The following USP45 variants were observed in gnomAD, a reference collection of about 807,000 sequenced individuals.
The protein encoded by USP45 is ubiquitin specific peptidase 45.
In USP45, 89 loss-of-function variants were observed where a neutral mutation model predicts 95.8. The observed-to-expected ratio is 0.93, with a 90% CI of 0.78 to 1.11. USP45 has a LOEUF of 1.11. Ranked by LOEUF, USP45 falls within the 50% of genes least tolerant of loss-of-function variation. The probability of loss-of-function intolerance (pLI) is 0.00; values close to 1 mark genes in which losing one functional copy is unlikely to be tolerated. For synonymous variants in USP45, 281 were observed against 316.2 expected (o/e 0.89, Z 1.18); for missense variants, 898 against 942.5 (o/e 0.95, Z 0.62).
chr6:99,508,479 T>G, intron 3 of USP45, 131 bp downstream of exon 3: 1 of 937,960 alleles, frequency 1.1e-6, no homozygotes, highest in Non-Finnish European at 1.5e-6. Context: ...TTAAGTTCAT[T>G]CCTGGAAAAT....
chr6:99,466,883 A>AATACATTTTACT (rs1788111085), intron 10 of USP45, 120 bp from the exon 11 acceptor site: 1 of 678,790 alleles, frequency 1.5e-6, no homozygotes, highest in Admixed American at 2.9e-5. Context: ...TACATTTAAT[A>AATACATTTTACT]ATACATTTTA....
intron 13 of USP45, among the ~76,000 whole-genome samples, chr6:99,450,865 C>T (rs1240103537): frequency 6.6e-6 from 1 of 152,158 alleles, no homozygotes; most frequent in Admixed American, 6.5e-5. Flanking sequence ...CCCTGGGATG[C>T]AAGGCTGGTT....
chr6:99,445,050 T>C (rs1332243937), intron 14 of USP45, among the ~76,000 whole-genome samples: 1 of 152,248 alleles, frequency 6.6e-6, no homozygotes, highest in African/African-American at 2.4e-5. Context: ...GACCAACTAA[T>C]CATGGTAATT....
chr6:99,440,248 T>C (rs891897258), intron 15 of USP45, among the ~76,000 whole-genome samples: 2 of 152,220 alleles, frequency 1.3e-5, no homozygotes, highest in African/African-American at 4.8e-5. Context: ...TGATTCCATA[T>C]ATAAAAGGAT....
intron 9 of USP45, among the ~76,000 whole-genome samples, chr6:99,469,338 A>G (rs1788726612): frequency 6.6e-6 from 1 of 151,600 alleles, no homozygotes; most frequent in South Asian, 2.1e-4. Flanking sequence ...AAACTTAGTA[A>G]GTGACCTTTT....
intron 13 of USP45, among the ~76,000 whole-genome samples, chr6:99,448,678 C>G (rs1783103016): frequency 6.6e-6 from 1 of 152,086 alleles, no homozygotes; most frequent in African/African-American, 2.4e-5. Flanking sequence ...ACAGAAAACG[C>G]CACAAAGATA....
Position 99,488,547 on chromosome 6 carries a change from A to G in USP45, c.618+134T>C, listed in dbSNP as rs182392496. On this transcript the variant is annotated intron_variant, in intron 6 of 17. Transcript: ENST00000500704. ...TATACATATGGTGATGGCCCAAGAT[A>G]GCGTAAACAAAAGGAAAACAGAGAA... 33 of 970,900 alleles carry G rather than the reference A, an allele frequency of 3.4e-5. No individual in the cohort carries two copies. In the African/African-American group the frequency reaches 4.3e-4, roughly 13 times the overall value. The allele number at this position is 970,900 out of a possible 1,614,324, so 60.1% of individuals were successfully genotyped here.
intron 9 of USP45, 65 bp from the exon 10 acceptor site, chr6:99,468,683 A>T: frequency 9.0e-7 from 1 of 1,108,578 alleles, no homozygotes; most frequent in South Asian, 1.5e-5. Context: ...CCTCCTAATA[A>T]AAGTACTTTC....
intron 17 of USP45, 103 bp downstream of exon 17, chr6:99,437,143 C>G: frequency 1.7e-6 from 2 of 1,201,696 alleles, no homozygotes; most frequent in South Asian, 3.0e-5. Flanking sequence ...AGCAAGCAAG[C>G]AAATCCACTA....
At chr6:99,436,630 C>CT (rs149608421) in intron 17 of USP45, among the ~76,000 whole-genome samples, 14,608 of 152,164 alleles carry the variant, frequency 0.096, 957 homozygotes, top group East Asian at 0.29. Flanking sequence ...TCCAACTCTT[C>CT]TGACAATCTG....
chr6:99,476,070 G>T, intron 9 of USP45, 73 bp downstream of exon 9: 1 of 1,391,994 alleles, frequency 7.2e-7, no homozygotes, highest in Non-Finnish European at 1.0e-6. Context: ...ACCCCGCCTT[G>T]GCCCCCCAAT....
intron 8 of USP45, among the ~76,000 whole-genome samples, chr6:99,480,872 A>T (rs1242208345): frequency 2.0e-5 from 3 of 152,162 alleles, no homozygotes; most frequent in Non-Finnish European, 2.9e-5. Context: ...ACTTGATTTT[A>T]AAAAAATATA....
intron 5 of USP45, among the ~76,000 whole-genome samples, chr6:99,491,329 G>T (rs758170341): frequency 6.6e-6 from 1 of 152,136 alleles, no homozygotes; most frequent in Non-Finnish European, 1.5e-5. Flanking sequence ...ACAAACAAGA[G>T]GAACCCTGAT....
At chr6:99,450,024 T>G (rs895399170) in intron 13 of USP45, among the ~76,000 whole-genome samples, 1 of 152,152 alleles carries the variant, frequency 6.6e-6, no homozygotes, top group African/African-American at 2.4e-5. Flanking sequence ...GGGACACATT[T>G]AAAGCAGTGT....
rs1054049418 is a variant in USP45 at position 99,494,480 on chromosome 6, A to G, written c.479-5660T>C. ...AATACCAGCAAAGCAAAAACAAAAC[A>G]ACATAAACAACAAAACAACTTGTCT... On this transcript the variant is annotated intron_variant, in intron 5 of 17. Transcript: ENST00000500704. 2.9e-4 allele frequency among the ~76,000 whole-genome samples: 44 copies of G among 152,214 alleles called. 1 individual carries two copies. The highest frequency in any genetic ancestry group is 9.6e-4 in the African/African-American group (40 of 41,460).
intron 2 of USP45, 84 bp from the exon 3 acceptor site, chr6:99,508,866 A>AT: frequency 8.1e-7 from 1 of 1,240,846 alleles, no homozygotes; most frequent in Non-Finnish European, 1.1e-6. Flanking sequence ...AAAGTATTAA[A>AT]TGCTGTTAAC....
intron 13 of USP45, 109 bp downstream of exon 13, chr6:99,464,495 T>C (rs1787393313): frequency 2.5e-6 from 3 of 1,199,996 alleles, no homozygotes; most frequent in Middle Eastern, 2.7e-4. Flanking sequence ...AGCCAAAAAA[T>C]GGGTACATGA....
Position 99,464,598 on chromosome 6 carries a change from T to C in USP45, c.1308+6A>G, listed in dbSNP as rs1787430703. 1 of 1,607,690 alleles carries C rather than the reference T, an allele frequency of 6.2e-7. No individual in the cohort carries two copies. The highest frequency in any genetic ancestry group is 8.5e-7 in the Non-Finnish European group (1 of 1,178,322). ...ACAGACGTCTAACAGATGCTTATGG[T>C]CTTACCTTATCTTTAGATGAAGAAT... On this transcript the variant is annotated splice_donor_region_variant and intron_variant, in intron 13 of 17. Coordinates refer to ENST00000500704, the MANE Select transcript of USP45 (RefSeq NM_001346022.3).
At chr6:99,472,788 G>A (rs1789775786) in intron 9 of USP45, among the ~76,000 whole-genome samples, 1 of 152,116 alleles carries the variant, frequency 6.6e-6, no homozygotes, top group Non-Finnish European at 1.5e-5. Flanking sequence ...TAAAATAATT[G>A]TGGTTACATT....
Sources: allele counts gnomAD v4.1 joint callset (sites outside exome capture counted in the v4.1 genomes callset), GRCh38; gene constraint gnomAD v4.1.1; transcripts MANE v1.5; gene names NCBI Gene and HGNC (gene_info 2026-07-23, HGNC 2026-07-21).